The following MZT2A variants were observed in gnomAD, a reference collection of about 807,000 sequenced individuals.
The protein encoded by MZT2A is mitotic spindle organizing protein 2A.
In MZT2A, 8 loss-of-function variants were observed where a neutral mutation model predicts 12.4. The observed-to-expected ratio is 0.64, with a 90% confidence interval of 0.38 to 1.16. The LOEUF is 1.16. Ranked by LOEUF, MZT2A falls within the 50% of genes most tolerant of loss-of-function variation. MZT2A has a pLI of 0.01. For missense variants in MZT2A, 181 were observed against 223.6 expected (o/e 0.81, Z 1.22); for synonymous variants, 88 against 107.5 (o/e 0.82, Z 1.12).
At chr2:131,480,034 A>G (rs1387637373), downstream of MZT2A, 6 of 1,539,022 alleles carry the variant, frequency 3.9e-6, no homozygotes, top group South Asian at 6.4e-5. Flanking sequence ...TGTGGCTTCC[A>G]TGGGCATTGG....
chr2:131,482,471 T>C, downstream of MZT2A: 1 of 1,531,536 alleles, frequency 6.5e-7, no homozygotes, highest in Non-Finnish European at 8.8e-7. Flanking sequence ...CTACAGGGTG[T>C]CTTCTGTTTG....
rs34185196 is a variant in MZT2A at position 131,484,589 on chromosome 2, GGCAGCA to G, written c.320-377_320-372del. On this transcript the variant is annotated intron_variant, in intron 2 of 2. Transcript: ENST00000309451. ...AGTCTGCCCTGATCGTGCCATCAGC[GGCAGCA>G]GCAGCAGCAGGGACGCGCTGCCTCA... 2.4e-3 allele frequency among the ~76,000 whole-genome samples: 360 copies of G among 151,722 alleles called. 1 individual carries two copies. The highest frequency in any genetic ancestry group is 2.8e-3 in the Non-Finnish European group (188 of 67,942).
intron 2 of MZT2A, among the ~76,000 whole-genome samples, chr2:131,486,032 G>C (rs923175060): frequency 6.6e-6 from 1 of 151,376 alleles, no homozygotes; most frequent in African/African-American, 2.5e-5. Flanking sequence ...GCCTGGTGGT[G>C]GTGAGGGTTA....
chr2:131,476,293 C>T, intron 2 of MZT2A: 1 of 1,602,168 alleles, frequency 6.2e-7, no homozygotes. Context: ...GGCCTGGGCG[C>T]TGAGAGGAGG....
intron 2 of MZT2A, among the ~76,000 whole-genome samples, 163 bp from the exon 3 acceptor site, chr2:131,484,381 C>G (rs1220424509): frequency 2.0e-5 from 3 of 152,246 alleles, no homozygotes; most frequent in Admixed American, 2.0e-4. Context: ...CTCAGAACCA[C>G]TAAAGACAGG....
chr2:131,492,166 G>C, intron 1 of MZT2A, 41 bp downstream of exon 1: 2 of 1,537,024 alleles, frequency 1.3e-6, no homozygotes, highest in Non-Finnish European at 1.8e-6. Flanking sequence ...CAGAGGTCGG[G>C]GGTGTCTGGC....
upstream of MZT2A, among the ~76,000 whole-genome samples, chr2:131,493,508 C>G (rs1160414389): frequency 6.6e-6 from 1 of 152,120 alleles, no homozygotes; most frequent in Non-Finnish European, 1.5e-5. Flanking sequence ...GACCCTTCCC[C>G]TGTGCGCTCC....
chr2:131,491,500 C>CA, intron 2 of MZT2A: 2 of 388,268 alleles, frequency 5.2e-6, no homozygotes. Flanking sequence ...CTCATGGCCT[C>CA]AAAGGATCCT....
At chr2:131,488,866 A>G (rs1573873347) in intron 2 of MZT2A, among the ~76,000 whole-genome samples, 1 of 151,432 alleles carries the variant, frequency 6.6e-6, no homozygotes, top group Admixed American at 6.6e-5. Context: ...GGGGCCCAGC[A>G]CTCCAGGCCA....
chr2:131,471,827 C>T (rs1239208354), intron 3 of MZT2A, among the ~76,000 whole-genome samples: 6 of 152,122 alleles, frequency 3.9e-5, no homozygotes, highest in African/African-American at 1.2e-4. Context: ...GTGCCTGCTG[C>T]AGGCAGCATG....
At chr2:131,492,707 G>A, upstream of MZT2A, 1 of 1,249,232 alleles carries the variant, frequency 8.0e-7, no homozygotes, top group South Asian at 1.5e-5. Context: ...TACATTGGGC[G>A]CTCAGTCAAT....
chr2:131,489,802 C>T lies in MZT2A; in HGVS notation c.319+2074G>A, dbSNP rs868438596. 135 of 909,570 alleles carry T rather than the reference C, an allele frequency of 1.5e-4. No homozygotes were observed. In the African/African-American group the frequency reaches 2.1e-3, roughly 14 times the overall value. 56.3% of individuals were successfully genotyped at this position (909,570 alleles called of 1,614,324 possible). A position where few individuals can be genotyped will look rare whatever the true frequency, so the allele number is the denominator to read the frequency against. On this transcript the variant is annotated intron_variant, in intron 2 of 2. Transcript: ENST00000309451. The stretch of plus-strand genomic sequence containing the variant: ...TGCTGGGATTACAGGTGTGAGCCAG[C>T]ACACTGGTCTCACTGGTGGTTTTCC...
intron 2 of MZT2A, chr2:131,490,126 G>A (rs1191405499): frequency 1.6e-5 from 11 of 679,496 alleles, no homozygotes; most frequent in Non-Finnish European, 2.0e-5. Flanking sequence ...GGAGGCTCAT[G>A]CAGGAGGCGC....
chr2:131,475,980 T>C, intron 2 of MZT2A: 1 of 824,902 alleles, frequency 1.2e-6, no homozygotes, highest in South Asian at 1.8e-5. Flanking sequence ...CTACATCCAA[T>C]CAGAGAGCGT....
chr2:131,481,975 C>G (rs940174069), downstream of MZT2A, among the ~76,000 whole-genome samples: 1 of 152,244 alleles, frequency 6.6e-6, no homozygotes, highest in Non-Finnish European at 1.5e-5. Flanking sequence ...ACTTGGAATG[C>G]TTCCCCTTTG....
At chr2:131,490,460 A>C in intron 2 of MZT2A, 1 of 1,358,498 alleles carries the variant, frequency 7.4e-7, no homozygotes, top group Non-Finnish European at 9.5e-7. Context: ...ACTCACCACT[A>C]GTTCGCCTCT....
At chr2:131,493,194 C>T (rs1679422277), upstream of MZT2A, 1 of 1,394,452 alleles carries the variant, frequency 7.2e-7, no homozygotes, top group African/African-American at 1.5e-5. Context: ...GGGGCTTCCG[C>T]GAGCCCCTGC....
intron 2 of MZT2A, among the ~76,000 whole-genome samples, chr2:131,474,434 GA>G (rs1678585997): frequency 8.2e-6 from 1 of 122,686 alleles, no homozygotes; most frequent in South Asian, 2.7e-4. Context: ...TTTTGAGATG[GA>G]GTTTCACTCT....
At chr2:131,492,811 C>T, upstream of MZT2A, 3 of 1,435,576 alleles carry the variant, frequency 2.1e-6, no homozygotes, top group South Asian at 3.7e-5. Context: ...AATCAACAAC[C>T]CTGCTTACGC....
Sources: allele counts gnomAD v4.1 joint callset (sites outside exome capture counted in the v4.1 genomes callset), GRCh38; gene constraint gnomAD v4.1.1; transcripts MANE v1.5; gene names NCBI Gene and HGNC (gene_info 2026-07-23, HGNC 2026-07-21).